The following RERE variants were observed in gnomAD, a reference collection of about 807,000 sequenced individuals.
RERE encodes arginine-glutamic acid dipeptide repeats.
RERE carries 40 observed loss-of-function variants against 146.1 expected under a neutral mutation model. The ratio of observed to expected loss-of-function variants is 0.27; its 90% CI spans 0.21 to 0.36. The LOEUF (loss-of-function observed/expected upper bound fraction) is 0.36, where lower values mean the gene tolerates loss of function less well. Ranked by LOEUF, RERE falls within the 10% of genes least tolerant of loss-of-function variation. The pLI, the probability that RERE is intolerant of heterozygous loss-of-function variation, is 1.00. For synonymous variants in RERE, 1,003 were observed against 866.0 expected (o/e 1.16, Z -2.78); for missense variants, 1,933 against 2,138.7 (o/e 0.90, Z 1.90).
intron 1 of RERE, among the ~76,000 whole-genome samples, chr1:8,676,352 C>T (rs1638839985): frequency 6.6e-6 from 1 of 152,112 alleles, no homozygotes; most frequent in East Asian, 1.9e-4. Context: ...GCCCAACTGA[C>T]CTTTCTTTTC....
chr1:8,629,138 G>A (rs1322850217), intron 2 of RERE, among the ~76,000 whole-genome samples: 1 of 152,164 alleles, frequency 6.6e-6, no homozygotes, highest in Non-Finnish European at 1.5e-5. Flanking sequence ...CCAGAAAAAT[G>A]AGTGAGGCTA....
intron 1 of RERE, among the ~76,000 whole-genome samples, chr1:8,762,391 A>C (rs1181831615): frequency 2.0e-5 from 3 of 152,254 alleles, no homozygotes; most frequent in Non-Finnish European, 4.4e-5. Flanking sequence ...TGAAAAAATT[A>C]CAAATCAGCT....
At chr1:8,385,539 G>T (rs2124414405) in intron 12 of RERE, among the ~76,000 whole-genome samples, 1 of 152,236 alleles carries the variant, frequency 6.6e-6, no homozygotes, top group East Asian at 1.9e-4. Flanking sequence ...GAATTACCCA[G>T]ATGCCAAAAG....
At chr1:8,792,676 A>T in intron 1 of RERE, 1 of 152,234 alleles carries the variant, frequency 6.6e-6, no homozygotes, top group Non-Finnish European at 1.5e-5. Context: ...AGCATTTTCC[A>T]AACAAAACAG....
At chr1:8,683,439 G>C (rs2124401422) in intron 1 of RERE, among the ~76,000 whole-genome samples, 1 of 152,144 alleles carries the variant, frequency 6.6e-6, no homozygotes, top group African/African-American at 2.4e-5. Flanking sequence ...AGAAAAGACG[G>C]GGAGGGATGG....
intron 1 of RERE, among the ~76,000 whole-genome samples, chr1:8,741,863 T>C (rs150359996): frequency 6.6e-5 from 10 of 152,294 alleles, no homozygotes; most frequent in Non-Finnish European, 1.5e-4. Flanking sequence ...TCAGTGTACA[T>C]GCAATAAAAT....
chr1:8,380,496 G>C (rs1004625030), intron 12 of RERE, among the ~76,000 whole-genome samples: 3 of 152,070 alleles, frequency 2.0e-5, no homozygotes, highest in Non-Finnish European at 4.4e-5. Flanking sequence ...CTATAGGCAC[G>C]TGCCACCGCA....
intron 8 of RERE, among the ~76,000 whole-genome samples, chr1:8,506,090 G>A (rs937106691): frequency 5.3e-5 from 8 of 152,060 alleles, no homozygotes; most frequent in Admixed American, 4.6e-4. Context: ...ATAAAAGTCT[G>A]GTACAAAGAT....
chr1:8,575,411 T>C (rs1299888572), intron 4 of RERE, among the ~76,000 whole-genome samples: 1 of 149,780 alleles, frequency 6.7e-6, no homozygotes, highest in Non-Finnish European at 1.5e-5. Flanking sequence ...AAAGACACTG[T>C]TTTGCTGTTG....
chr1:8,496,492 G>C (rs1380779739), intron 9 of RERE, among the ~76,000 whole-genome samples: 2 of 146,946 alleles, frequency 1.4e-5, no homozygotes. Flanking sequence ...AACAAAACAA[G>C]TAACAACCAA....
chr1:8,626,689 C>T (rs1263844215), intron 2 of RERE, among the ~76,000 whole-genome samples: 1 of 152,156 alleles, frequency 6.6e-6, no homozygotes, highest in African/African-American at 2.4e-5. Flanking sequence ...ACTTCTCCTC[C>T]ACACAGAAAC....
At chr1:8,671,925 A>C (rs1182546528) in intron 1 of RERE, among the ~76,000 whole-genome samples, 1 of 152,162 alleles carries the variant, frequency 6.6e-6, no homozygotes, top group Non-Finnish European at 1.5e-5. Flanking sequence ...CATTATCATG[A>C]GAAATATATG....
intron 12 of RERE, among the ~76,000 whole-genome samples, chr1:8,368,932 G>C (rs1641922781): frequency 6.6e-6 from 1 of 152,092 alleles, no homozygotes; most frequent in Non-Finnish European, 1.5e-5. Context: ...GGGCATGGTG[G>C]TGTGCACCGG....
At chr1:8,374,421 T>G (rs1219025274) in intron 12 of RERE, among the ~76,000 whole-genome samples, 1 of 152,234 alleles carries the variant, frequency 6.6e-6, no homozygotes, top group Non-Finnish European at 1.5e-5. Flanking sequence ...GCAAAGGAAC[T>G]GCAATAGCTC....
intron 20 of RERE, 108 bp downstream of exon 20, chr1:8,358,088 G>A: frequency 2.0e-6 from 3 of 1,483,116 alleles, no homozygotes; most frequent in Non-Finnish European, 1.8e-6. Flanking sequence ...AGGGATGAGG[G>A]ATCTGTTCAG....
chr1:8,755,714 G>A (rs539576733), intron 1 of RERE, among the ~76,000 whole-genome samples: 3 of 152,178 alleles, frequency 2.0e-5, no homozygotes, highest in African/African-American at 4.8e-5. Context: ...CAAGCAAATC[G>A]GCAAAAACAA....
intron 12 of RERE, among the ~76,000 whole-genome samples, chr1:8,420,577 C>T (rs1179612133): frequency 1.3e-5 from 2 of 152,126 alleles, no homozygotes; most frequent in African/African-American, 4.8e-5. Context: ...ACAGATTTAC[C>T]CTACTACCAA....
rs1472322543 is a variant in RERE, at chr1:8,386,009, T to A, written c.1285-20035A>T. Among the ~76,000 whole-genome samples, 11 of 41,832 alleles carry A rather than the reference T, an allele frequency of 2.6e-4. No homozygotes were observed. In the East Asian group the frequency reaches 4.9e-3, roughly 19 times the overall value. 27.4% of individuals were successfully genotyped at this position (41,832 alleles called of 152,430 possible). ...AAAAAAAAAAATATATATATATATA[T>A]ATATATATATATATTTTTTTTTTTT... On this transcript the variant is annotated intron_variant, in intron 12 of 22. Transcript: ENST00000400908.
intron 6 of RERE, among the ~76,000 whole-genome samples, chr1:8,550,498 T>C (rs1645920370): frequency 6.6e-6 from 1 of 152,204 alleles, no homozygotes; most frequent in African/African-American, 2.4e-5. Context: ...TGAAACTCCT[T>C]ACAGAACTTG....
Sources: allele counts gnomAD v4.1 joint callset (sites outside exome capture counted in the v4.1 genomes callset), GRCh38; gene constraint gnomAD v4.1.1; transcripts MANE v1.5; gene names NCBI Gene and HGNC (gene_info 2026-07-23, HGNC 2026-07-21).